The following LAMA2 variants were observed in gnomAD, a reference collection of about 807,000 sequenced individuals.
The protein encoded by LAMA2 is laminin subunit alpha-2.
Under a neutral mutation model 364.8 loss-of-function variants are expected in LAMA2, and 269 were observed. The ratio of observed to expected loss-of-function variants is 0.74; its 90% CI spans 0.67 to 0.82. LAMA2 has a LOEUF of 0.82. Ranked by LOEUF, LAMA2 falls within the 40% of genes least tolerant of loss-of-function variation. The probability of loss-of-function intolerance (pLI) is 0.00; values close to 1 mark genes in which losing one functional copy is unlikely to be tolerated. For missense variants in LAMA2, 3,807 were observed against 3,873.2 expected (o/e 0.98, Z 0.45); for synonymous variants, 1,379 against 1,370.6 (o/e 1.01, Z -0.14).
intron 1 of LAMA2, among the ~76,000 whole-genome samples, chr6:128,891,224 A>G (rs946929855): frequency 1.3e-5 from 2 of 152,122 alleles, no homozygotes; most frequent in Admixed American, 1.3e-4. Flanking sequence ...TGGACCAAAG[A>G]ATAAATTATA....
At chr6:129,225,994 C>T (rs1784244040) in intron 12 of LAMA2, among the ~76,000 whole-genome samples, 2 of 152,114 alleles carry the variant, frequency 1.3e-5, no homozygotes, top group South Asian at 4.1e-4. Context: ...TCTCTAAGGA[C>T]TTGCTTTATG....
At chr6:129,117,564 A>G (rs981835405) in intron 4 of LAMA2, among the ~76,000 whole-genome samples, 2 of 152,194 alleles carry the variant, frequency 1.3e-5, no homozygotes, top group African/African-American at 4.8e-5. Context: ...CTGTGTGGTT[A>G]AAGTACAGAA....
chr6:129,063,570 G>GCTAA (rs2114802809), intron 3 of LAMA2, among the ~76,000 whole-genome samples: 1 of 152,180 alleles, frequency 6.6e-6, no homozygotes, highest in South Asian at 2.1e-4. Context: ...CTCACTCCTG[G>GCTAA]CTAATCCAGG....
chr6:128,918,159 A>G (rs964981592), intron 1 of LAMA2, among the ~76,000 whole-genome samples: 1 of 152,224 alleles, frequency 6.6e-6, no homozygotes, highest in South Asian at 2.1e-4. Flanking sequence ...TGAGTGAAAG[A>G]TTTAGAAGTA....
intron 4 of LAMA2, among the ~76,000 whole-genome samples, chr6:129,117,260 C>T (rs1158414243): frequency 6.6e-6 from 1 of 152,152 alleles, no homozygotes; most frequent in Non-Finnish European, 1.5e-5. Flanking sequence ...TTTCAAGCAT[C>T]ACTAGTGCAA....
rs1239004236 is a variant in LAMA2, at chr6:129,416,011, G to A, written c.5866-11741G>A. ...TCGCCCAGGCTGGAGTGCAGTGGCG[G>A]GATCTCGGCTCACTGCAAGCTCCGC... is the stretch of plus-strand genomic sequence containing the variant. On this transcript the variant is annotated intron_variant, in intron 40 of 64. Coordinates refer to ENST00000421865, the MANE Select transcript of LAMA2 (RefSeq NM_000426.4). Among the ~76,000 whole-genome samples, 3 of 37,698 alleles carry A rather than the reference G, an allele frequency of 8.0e-5. 1 individual carries two copies. Among genetic ancestry groups the A allele is most frequent in the African/African-American group, 3.4e-4 (2 of 5,964 alleles). 24.7% of individuals were successfully genotyped at this position (37,698 alleles called of 152,430 possible).
At chr6:129,025,822 T>C (rs1409496775) in intron 1 of LAMA2, among the ~76,000 whole-genome samples, 1 of 152,046 alleles carries the variant, frequency 6.6e-6, no homozygotes, top group Non-Finnish European at 1.5e-5. Context: ...CACAAGAAAA[T>C]TTATAGTGAT....
intron 3 of LAMA2, among the ~76,000 whole-genome samples, chr6:129,062,907 A>C (rs962527978): frequency 4.6e-5 from 6 of 129,548 alleles, no homozygotes; most frequent in Non-Finnish European, 9.6e-5. Flanking sequence ...TATAGATTAC[A>C]GTGGGTTTTT....
chr6:129,079,117 A>G (rs1285072523), intron 3 of LAMA2, among the ~76,000 whole-genome samples: 1 of 152,186 alleles, frequency 6.6e-6, no homozygotes, highest in Non-Finnish European at 1.5e-5. Flanking sequence ...TCTTAATGCT[A>G]TGAACATGGG....
intron 1 of LAMA2, among the ~76,000 whole-genome samples, chr6:128,992,440 T>G (rs947275453): frequency 6.6e-6 from 1 of 152,232 alleles, no homozygotes; most frequent in African/African-American, 2.4e-5. Context: ...CATTTGTTAT[T>G]CTGTGGTCAG....
At chr6:129,488,759 T>C (rs1784719219) in intron 56 of LAMA2, among the ~76,000 whole-genome samples, 1 of 152,234 alleles carries the variant, frequency 6.6e-6, no homozygotes, top group Admixed American at 6.5e-5. Flanking sequence ...AAATGCAATC[T>C]ACTCTATAAG....
At chr6:129,085,429 A>G (rs1450337424) in intron 3 of LAMA2, among the ~76,000 whole-genome samples, 1 of 152,178 alleles carries the variant, frequency 6.6e-6, no homozygotes, top group East Asian at 1.9e-4. Flanking sequence ...AATGTTAGAA[A>G]TCTGTTCTCA....
At chr6:129,135,925 CA>C (rs1045555373) in intron 4 of LAMA2, among the ~76,000 whole-genome samples, 1 of 151,152 alleles carries the variant, frequency 6.6e-6, no homozygotes, top group African/African-American at 2.4e-5. Flanking sequence ...AAGAAAAACA[CA>C]AAGATAAATA....
At chr6:129,265,183 A>T (rs2114337412) in intron 15 of LAMA2, among the ~76,000 whole-genome samples, 1 of 152,276 alleles carries the variant, frequency 6.6e-6, no homozygotes, top group Non-Finnish European at 1.5e-5. Context: ...CATTCCCCAC[A>T]TCACTTGTTT....
intron 1 of LAMA2, among the ~76,000 whole-genome samples, chr6:128,979,206 T>C (rs1443863865): frequency 1.3e-5 from 2 of 152,174 alleles, no homozygotes; most frequent in Admixed American, 1.3e-4. Context: ...TATGTGTGAG[T>C]AGATGTTTCC....
chr6:129,302,774 A>T (rs1773626060), intron 22 of LAMA2, among the ~76,000 whole-genome samples: 1 of 152,050 alleles, frequency 6.6e-6, no homozygotes, highest in African/African-American at 2.4e-5. Flanking sequence ...TATCAACTAT[A>T]TATATGTTTA....
rs760953000 is a variant in LAMA2, at chr6:129,486,656, C to G, written c.7898+34C>G. 7 of 1,591,008 alleles carry G rather than the reference C, an allele frequency of 4.4e-6. No individual in the cohort carries two copies. In the East Asian group the frequency reaches 1.3e-4, roughly 31 times the overall value. ...AGCACTAAAATATTTATTATTGTAA[C>G]TCAGGTGAACTTCCTTTGCTAGCAT... On this transcript the variant is annotated intron_variant, in intron 56 of 64. Coordinates refer to ENST00000421865, the MANE Select transcript of LAMA2 (RefSeq NM_000426.4).
chr6:128,914,094 T>G (rs1425464683), intron 1 of LAMA2, among the ~76,000 whole-genome samples: 1 of 152,172 alleles, frequency 6.6e-6, no homozygotes, highest in African/African-American at 2.4e-5. Context: ...TAACAGAAAT[T>G]ATTTCCAACA....
chr6:129,297,962 T>A, intron 21 of LAMA2, 97 bp downstream of exon 21: 2 of 967,368 alleles, frequency 2.1e-6, no homozygotes, highest in South Asian at 1.4e-5. Context: ...CACAGATTGA[T>A]ACAACGTATT....
Sources: gnomAD v4.1 joint callset for allele counts (sites outside exome capture counted in the v4.1 genomes callset) on GRCh38, gnomAD v4.1.1 for gene constraint, MANE v1.5 for transcripts, NCBI Gene and HGNC (gene_info 2026-07-23, HGNC 2026-07-21) for gene names.